RBFOX1: variants seen among roughly 807,000 people sequenced by gnomAD.
RBFOX1 encodes the protein RNA binding fox-1 homolog 1, also known as RNA binding protein fox-1 homolog 1.
Under a neutral mutation model 57.7 loss-of-function variants are expected in RBFOX1, and 8 were observed. The ratio of observed to expected loss-of-function variants is 0.14; its 90% CI spans 0.08 to 0.25. The LOEUF (loss-of-function observed/expected upper bound fraction) is 0.25. Among genes scored for constraint, RBFOX1 ranks in the 10% least tolerant of loss-of-function variants. The probability of loss-of-function intolerance (pLI) is 1.00; values close to 1 mark genes in which losing one functional copy is unlikely to be tolerated. For synonymous variants in RBFOX1, 326 were observed against 222.4 expected (o/e 1.47, Z -4.15); for missense variants, 611 against 548.5 (o/e 1.11, Z -1.14).
intron 2 of RBFOX1, among the ~76,000 whole-genome samples, chr16:5,468,515 T>C (rs1419158328): frequency 3.3e-5 from 5 of 152,178 alleles, no homozygotes; most frequent in Admixed American, 6.5e-5. Flanking sequence ...AAGTTAAACA[T>C]AGAATTACCA....
intron 5 of RBFOX1, among the ~76,000 whole-genome samples, chr16:7,524,668 A>C (rs2078278799): frequency 6.6e-6 from 1 of 152,206 alleles, no homozygotes; most frequent in African/African-American, 2.4e-5. Context: ...CCTGAGCTGG[A>C]GGCTCTACTG....
At chr16:5,966,992 G>GGT (rs1555458304) in intron 4 of RBFOX1, among the ~76,000 whole-genome samples, 1 of 17,150 alleles carries the variant, frequency 5.8e-5, no homozygotes, top group East Asian at 1.6e-3. Flanking sequence ...GCACTAAATC[G>GGT]GGGGGGGGGG....
chr16:6,576,930 A>G (rs1184298414), intron 2 of RBFOX1: 3 of 152,230 alleles, frequency 2.0e-5, no homozygotes, highest in South Asian at 2.1e-4. Context: ...AAGAACCTGT[A>G]AAGAACCACC....
chr16:5,345,310 G>A (rs763571141), intron 1 of RBFOX1, among the ~76,000 whole-genome samples: 42 of 152,188 alleles, frequency 2.8e-4, no homozygotes, highest in African/African-American at 1.0e-3. Flanking sequence ...GGAAACAGGT[G>A]CCATGCCCTT....
intron 4 of RBFOX1, among the ~76,000 whole-genome samples, chr16:5,931,935 G>A (rs1022348138): frequency 6.6e-6 from 1 of 152,056 alleles, no homozygotes; most frequent in African/African-American, 2.4e-5. Context: ...AGCCTCCCAA[G>A]TAGCTGGGAC....
chr16:6,870,756 C>T (rs1300813478), intron 3 of RBFOX1, among the ~76,000 whole-genome samples: 1 of 152,168 alleles, frequency 6.6e-6, no homozygotes, highest in Admixed American at 6.5e-5. Flanking sequence ...CCCACCCCAG[C>T]CCCTCAACAA....
At chr16:6,078,460 A>G (rs1469399530) in intron 1 of RBFOX1, among the ~76,000 whole-genome samples, 3 of 151,828 alleles carry the variant, frequency 2.0e-5, no homozygotes, top group Non-Finnish European at 1.5e-5. Context: ...TATTTTATGT[A>G]TGACCTGAGA....
At chr16:6,775,708 G>A (rs2079208697) in intron 3 of RBFOX1, 2 of 152,170 alleles carry the variant, frequency 1.3e-5, no homozygotes, top group South Asian at 2.1e-4. Context: ...AGTGCCTAAT[G>A]TCATCATTTT....
chr16:6,921,639 ATATATAT>A (rs71871054), intron 3 of RBFOX1, among the ~76,000 whole-genome samples: 27,677 of 94,928 alleles, frequency 0.29, 2,622 homozygotes, highest in African/African-American at 0.33. Flanking sequence ...ATATATATAT[ATATATAT>A]TTTTTTTTTT....
chr16:5,297,786 A>G lies in RBFOX1; in HGVS notation c.219+57681A>G, dbSNP rs2063704873. 2.0e-5 allele frequency among the ~76,000 whole-genome samples: 3 copies of G among 152,214 alleles called. No homozygotes were observed. The South Asian group carries it at 6.2e-4, about 32-fold the overall frequency. On this transcript the variant is annotated intron_variant, in intron 1 of 2. Coordinates refer to the RBFOX1 transcript ENST00000585867. ...CATGTAAGATTTTAGGTAGACCAAT[A>G]GCTGATTTTGGGCGCTACACCGACT...
At chr16:6,028,019 G>T (rs1318986527) in intron 1 of RBFOX1, among the ~76,000 whole-genome samples, 2 of 152,280 alleles carry the variant, frequency 1.3e-5, no homozygotes, top group African/African-American at 2.4e-5. Flanking sequence ...TGAGAGGGCT[G>T]ATTCAGCAAC....
At chr16:5,795,424 C>T (rs2054845371) in intron 3 of RBFOX1, among the ~76,000 whole-genome samples, 1 of 152,070 alleles carries the variant, frequency 6.6e-6, no homozygotes, top group Non-Finnish European at 1.5e-5. Flanking sequence ...CTGCCTCAGC[C>T]TCCCGAGTAG....
At chr16:5,660,079 G>T (rs1206834810) in intron 3 of RBFOX1, among the ~76,000 whole-genome samples, 1 of 152,176 alleles carries the variant, frequency 6.6e-6, no homozygotes, top group African/African-American at 2.4e-5. Context: ...GGGGTTCAAG[G>T]CGCATAAAAC....
chr16:6,771,252 A>C (rs1161902444), intron 3 of RBFOX1, among the ~76,000 whole-genome samples: 2 of 152,146 alleles, frequency 1.3e-5, no homozygotes, highest in Non-Finnish European at 2.9e-5. Flanking sequence ...AATTGTGAGA[A>C]AATAAATTTC....
intron 3 of RBFOX1, among the ~76,000 whole-genome samples, chr16:6,846,263 T>G (rs887957092): frequency 6.6e-6 from 1 of 152,144 alleles, no homozygotes; most frequent in Non-Finnish European, 1.5e-5. Flanking sequence ...ATTACGTGAA[T>G]TGGCCCGAAG....
At chr16:7,541,101 A>C (rs1350249922) in intron 5 of RBFOX1, among the ~76,000 whole-genome samples, 2 of 152,222 alleles carry the variant, frequency 1.3e-5, no homozygotes, top group African/African-American at 4.8e-5. Flanking sequence ...TGTGCAGTTT[A>C]TAGACGCTGC....
chr16:6,555,482 G>T (rs544074719), intron 2 of RBFOX1, among the ~76,000 whole-genome samples: 8 of 152,142 alleles, frequency 5.3e-5, no homozygotes, highest in Non-Finnish European at 1.0e-4. Flanking sequence ...GGCGGATCAC[G>T]AGGTCAGGAG....
intron 2 of RBFOX1, among the ~76,000 whole-genome samples, chr16:6,480,191 A>G (rs1444194516): frequency 6.6e-6 from 1 of 152,236 alleles, no homozygotes; most frequent in African/African-American, 2.4e-5. Flanking sequence ...ACACTTATGT[A>G]CTGGCTTTAT....
At chr16:6,970,587 A>C (rs1036530819) in intron 3 of RBFOX1, among the ~76,000 whole-genome samples, 15 of 152,136 alleles carry the variant, frequency 9.9e-5, no homozygotes, top group Non-Finnish European at 7.3e-5. Flanking sequence ...GTGTCTTCAC[A>C]TGGTGGAAGG....
Sources: allele counts gnomAD v4.1 joint callset (sites outside exome capture counted in the v4.1 genomes callset), GRCh38; gene constraint gnomAD v4.1.1; transcripts MANE v1.5; gene names NCBI Gene and HGNC (gene_info 2026-07-23, HGNC 2026-07-21).